Variants in MAPK10 observed in about 807,000 individuals in gnomAD.
MAPK10 encodes JNK3 alpha protein kinase.
In MAPK10, 25 loss-of-function variants were observed where a neutral mutation model predicts 59.3. That is an observed-to-expected ratio of 0.42 (90% CI 0.31 to 0.59). The LOEUF (loss-of-function observed/expected upper bound fraction) is 0.59. Among genes scored for constraint, MAPK10 ranks in the 20% least tolerant of loss-of-function variants. MAPK10 has a pLI of 0.15. For synonymous variants in MAPK10, 190 were observed against 200.5 expected (o/e 0.95, Z 0.44); for missense variants, 351 against 568.9 (o/e 0.62, Z 3.90).
chr4:86,327,546 G>T (rs974879651), intron 2 of MAPK10: 2 of 151,246 alleles, frequency 1.3e-5, no homozygotes, highest in Non-Finnish European at 2.9e-5. Flanking sequence ...ACATTTATAA[G>T]TTTCATTCTT....
At chr4:86,475,653 G>A (rs984934073) in intron 1 of MAPK10, among the ~76,000 whole-genome samples, 4 of 152,224 alleles carry the variant, frequency 2.6e-5, no homozygotes, top group East Asian at 1.9e-4. Flanking sequence ...ACATGGGGAC[G>A]CCTGCCTTGG....
At chr4:86,242,339 C>T (rs562190439) in intron 2 of MAPK10, among the ~76,000 whole-genome samples, 2 of 152,166 alleles carry the variant, frequency 1.3e-5, no homozygotes, top group South Asian at 2.1e-4. Flanking sequence ...TTGGGCGGCA[C>T]GGGGAGCAGG....
chr4:86,020,887 G>C (rs1333512073), intron 13 of MAPK10: 1 of 152,294 alleles, frequency 6.6e-6, no homozygotes, highest in Non-Finnish European at 1.5e-5. Context: ...AAAGAACAAA[G>C]CTTCCACACT....
Position 86,101,131 on chromosome 4 carries a change from G to A in MAPK10, c.651C>T (p.Ser217=). The change falls in exon 8 of 14, where the codon AGC becomes AGT. Residue 217 remains serine, a synonymous_variant. Coordinates refer to ENST00000641462, the MANE Select transcript of MAPK10 (RefSeq NM_138982.4). Reference sequence around the variant, plus strand: ...TCACCACATATGGAGTCATCATGAAGCTTGTGCCTGCTGTCCTGGCCAGTC... The same window carrying A: ...TCACCACATATGGAGTCATCATGAAACTTGTGCCTGCTGTCCTGGCCAGTC... ...DFGLARTAGT[S]FMMTPYVVTR... is the part of the protein sequence containing the mutation. 6.2e-7 allele frequency: 1 copy of A among 1,613,916 alleles called. No individual in the cohort carries two copies. Among genetic ancestry groups the A allele is most frequent in the African/African-American group, 1.3e-5 (1 of 75,042 alleles).
At chr4:86,493,253 G>A (rs575948006) in intron 1 of MAPK10, among the ~76,000 whole-genome samples, 2 of 152,136 alleles carry the variant, frequency 1.3e-5, no homozygotes, top group African/African-American at 2.4e-5. Context: ...CCTGATTTGC[G>A]AATCGTTCAT....
chr4:86,129,624 G>A (rs1251207416), intron 4 of MAPK10, among the ~76,000 whole-genome samples: 2 of 152,188 alleles, frequency 1.3e-5, no homozygotes, highest in South Asian at 4.1e-4. Flanking sequence ...AATCAAATAC[G>A]AGTATTGATT....
intron 1 of MAPK10, among the ~76,000 whole-genome samples, chr4:86,585,778 T>G (rs992480907): frequency 6.6e-6 from 1 of 152,230 alleles, no homozygotes; most frequent in African/African-American, 2.4e-5. Flanking sequence ...TCTGTAGATA[T>G]GACCATTTTC....
At chr4:86,263,552 T>C (rs1471102112) in intron 2 of MAPK10, among the ~76,000 whole-genome samples, 1 of 151,318 alleles carries the variant, frequency 6.6e-6, no homozygotes, top group Non-Finnish European at 1.5e-5. Flanking sequence ...CCCTCCCTTA[T>C]AGCCACTGCC....
At chr4:86,058,877 T>G (rs569442484) in intron 11 of MAPK10, among the ~76,000 whole-genome samples, 1 of 152,284 alleles carries the variant, frequency 6.6e-6, no homozygotes, top group East Asian at 1.9e-4. Context: ...CACAGGCTTC[T>G]GATTCCCTTC....
At chr4:86,564,872 G>C (rs1760944548) in intron 1 of MAPK10, among the ~76,000 whole-genome samples, 1 of 152,112 alleles carries the variant, frequency 6.6e-6, no homozygotes, top group Non-Finnish European at 1.5e-5. Flanking sequence ...TAGGCTCGTG[G>C]AACAATCTGC....
At chr4:86,463,489 G>T (rs1464439184) in intron 1 of MAPK10, among the ~76,000 whole-genome samples, 1 of 152,156 alleles carries the variant, frequency 6.6e-6, no homozygotes, top group Non-Finnish European at 1.5e-5. Flanking sequence ...ACTTTGTGCT[G>T]CCTCCACTCA....
At position 86,395,875 on chromosome 4, in the gene MAPK10, C is replaced by T. The variant is rs750639202; in HGVS notation, c.-121-41231G>A. Among the ~76,000 whole-genome samples, 115 of 152,224 alleles carry T rather than the reference C, an allele frequency of 7.6e-4. 1 individual carries two copies. Among genetic ancestry groups the T allele is most frequent in the Non-Finnish European group, 7.2e-4 (49 of 68,016 alleles). On this transcript the variant is annotated intron_variant, in intron 1 of 13. Coordinates refer to the MAPK10 transcript ENST00000361569. ...ATCATGGGGGCTCCACCCTTATGGC[C>T]TCATCTAAACTTAATGATCTCCCAA...
At chr4:86,433,035 C>G (rs750477111) in intron 1 of MAPK10, among the ~76,000 whole-genome samples, 2 of 152,148 alleles carry the variant, frequency 1.3e-5, no homozygotes, top group African/African-American at 4.8e-5. Context: ...ACTGTAGCAA[C>G]AGGGGCTGTA....
At chr4:86,531,879 T>G (rs1419741729) in intron 1 of MAPK10, among the ~76,000 whole-genome samples, 2 of 151,968 alleles carry the variant, frequency 1.3e-5, no homozygotes, top group Non-Finnish European at 2.9e-5. Flanking sequence ...TGGGTCCCAT[T>G]GTCTTAGACA....
chr4:86,477,380 C>G (rs1011270398), intron 1 of MAPK10, among the ~76,000 whole-genome samples: 3 of 152,164 alleles, frequency 2.0e-5, no homozygotes, highest in Non-Finnish European at 4.4e-5. Flanking sequence ...ATCTGCTTCC[C>G]TGACTATTCC....
rs74932824 is a variant in MAPK10, at chr4:86,407,176, C to G, written c.-122+45854G>C. ...CTATACTAATATTTCTTTAGAACTT[C>G]TTATTTGCCAGGCTTTGTATTAAGT... On this transcript the variant is annotated intron_variant, in intron 1 of 13. Transcript: ENST00000361569. 5.3e-4 allele frequency among the ~76,000 whole-genome samples: 81 copies of G among 152,258 alleles called. No individual in the cohort carries two copies. In the East Asian group the frequency reaches 0.013, roughly 24 times the overall value.
chr4:86,360,233 G>A (rs1686391600), upstream of MAPK10: 1 of 985,168 alleles, frequency 1.0e-6, no homozygotes, highest in Non-Finnish European at 1.2e-6. Context: ...ATGAGGACCA[G>A]GCAAATGTAA....
At chr4:86,325,732 C>T (rs1420805719) in intron 2 of MAPK10, among the ~76,000 whole-genome samples, 1 of 152,090 alleles carries the variant, frequency 6.6e-6, no homozygotes, top group Non-Finnish European at 1.5e-5. Flanking sequence ...ATTCATGTCA[C>T]CATAATTATT....
intron 4 of MAPK10, among the ~76,000 whole-genome samples, chr4:86,116,145 G>A (rs2058261280): frequency 6.6e-6 from 1 of 152,148 alleles, no homozygotes; most frequent in South Asian, 2.1e-4. Context: ...AGAAAGAATG[G>A]CAATCAGTCA....
Sources: allele counts gnomAD v4.1 joint callset (sites outside exome capture counted in the v4.1 genomes callset), GRCh38; gene constraint gnomAD v4.1.1; transcripts MANE v1.5; gene names NCBI Gene and HGNC (gene_info 2026-07-23, HGNC 2026-07-21).